The following DAPK3 variants were observed in gnomAD, a reference collection of about 807,000 sequenced individuals.
DAPK3 encodes death associated protein kinase 3.
A neutral mutation model predicts 30.6 loss-of-function variants in DAPK3; 24 were observed. That is an observed-to-expected ratio of 0.78 (90% confidence interval 0.57 to 1.10). The LOEUF is 1.10. Ranked by LOEUF, DAPK3 falls within the 50% of genes least tolerant of loss-of-function variation. The probability of loss-of-function intolerance (pLI) is 0.00; values close to 1 mark genes in which losing one functional copy is unlikely to be tolerated. For missense variants in DAPK3, 629 were observed against 657.3 expected, an observed-to-expected ratio of 0.96 and a Z score of 0.47; for synonymous variants, 341 against 284.0, an observed-to-expected ratio of 1.20 and a Z score of -2.02.
chr19:3,959,998 G>C, intron 8 of DAPK3, 61 bp downstream of exon 8: 4 of 938,650 alleles, frequency 4.3e-6, no homozygotes, highest in South Asian at 3.9e-5. Flanking sequence ...AAGGCCCCCC[G>C]GGACCCCAGC....
rs555447290 is a variant in DAPK3 at position 3,966,252 on chromosome 19, T to C, written c.63-1261A>G. 2.6e-5 allele frequency among the ~76,000 whole-genome samples: 4 copies of C among 152,302 alleles called. No homozygotes were observed. The East Asian group carries it at 5.8e-4, about 22-fold the overall frequency. On this transcript the variant is annotated intron_variant, in intron 2 of 8. Coordinates refer to ENST00000545797, the MANE Select transcript of DAPK3 (RefSeq NM_001348.3). ...CAGCTGCTGCTGGGTACCGGGTTCC[T>C]GCGTGCCTACCTCCCGGCTCCACGC... is the stretch of plus-strand genomic sequence containing the variant.
chr19:3,964,125 G>A (rs1226830256), intron 4 of DAPK3, 119 bp downstream of exon 4: 4 of 975,766 alleles, frequency 4.1e-6, no homozygotes, highest in Non-Finnish European at 6.2e-6. Context: ...GGGCCCAAGA[G>A]GGGTGGCTTC....
At chr19:3,966,835 G>C (rs2039581900) in intron 2 of DAPK3, among the ~76,000 whole-genome samples, 1 of 151,830 alleles carries the variant, frequency 6.6e-6, no homozygotes, top group Non-Finnish European at 1.5e-5. Flanking sequence ...CCCACCTCCA[G>C]ACAGCCCCCG....
chr19:3,963,855 C>G lies in DAPK3; in HGVS notation c.602+16G>C, dbSNP rs757538893. 1.3e-6 allele frequency: 2 copies of G among 1,548,806 alleles called. No homozygotes were observed. Among genetic ancestry groups the G allele is most frequent in the African/African-American group, 1.4e-5 (1 of 73,386 alleles). Reference sequence around the variant, plus strand: ...GGAATGCAGGGAGGCCCGGTGGGAGCAGGTGGTACACTCACCACATGTCCG... The same window carrying G: ...GGAATGCAGGGAGGCCCGGTGGGAGGAGGTGGTACACTCACCACATGTCCG... On this transcript the variant is annotated intron_variant, in intron 5 of 8. Coordinates refer to ENST00000545797, the MANE Select transcript of DAPK3 (RefSeq NM_001348.3).
intron 7 of DAPK3, 76 bp downstream of exon 7, chr19:3,960,933 G>A: frequency 6.6e-7 from 1 of 1,509,316 alleles, no homozygotes; most frequent in African/African-American, 1.4e-5. Flanking sequence ...TGGGAGGAGA[G>A]TCCTCTGGAG....
intron 6 of DAPK3, 33 bp downstream of exon 6, chr19:3,963,610 G>T: frequency 7.0e-7 from 1 of 1,420,902 alleles, no homozygotes; most frequent in Non-Finnish European, 9.5e-7. Context: ...CAGCTGTGTT[G>T]CACAGCCGAG....
intron 3 of DAPK3, 123 bp downstream of exon 3, chr19:3,964,508 A>G: frequency 1.1e-6 from 1 of 916,630 alleles, no homozygotes; most frequent in Non-Finnish European, 1.5e-6. Context: ...CGCTCCCCAA[A>G]CCTCACCCCC....
Position 3,963,632 on chromosome 19 carries a change from C to A in DAPK3, c.629+11G>T. ...GTTGCACAGCCGAGGGGGCCCCCGCCAGGTACTCACAGGATATAGGTGATG... is the reference window on the plus strand; with the variant it reads ...GTTGCACAGCCGAGGGGGCCCCCGCAAGGTACTCACAGGATATAGGTGATG... On this transcript the variant is annotated intron_variant, in intron 6 of 8. Coordinates refer to ENST00000545797, the MANE Select transcript of DAPK3 (RefSeq NM_001348.3). The A allele has an allele frequency of 6.6e-7, 1 of 1,515,952 alleles. No individual in the cohort carries two copies. 93.9% of individuals were successfully genotyped at this position (1,515,952 alleles called of 1,614,324 possible). A position where few individuals can be genotyped will look rare whatever the true frequency, so the allele number is the denominator to read the frequency against.
intron 4 of DAPK3, 142 bp downstream of exon 4, chr19:3,964,102 C>G: frequency 1.1e-6 from 1 of 871,756 alleles, no homozygotes; most frequent in Admixed American, 2.4e-5. Flanking sequence ...AGGCCCAGAC[C>G]TCCCGCAAAG....
In DAPK3 at chr19:3,966,245, G is replaced by A. The variant is rs569590877; in HGVS notation, c.63-1254C>T. Among the ~76,000 whole-genome samples, 9 of 152,286 alleles carry A rather than the reference G, an allele frequency of 5.9e-5. No individual in the cohort carries two copies. The South Asian group carries it at 1.2e-3, about 21-fold the overall frequency. On this transcript the variant is annotated intron_variant, in intron 2 of 8. Coordinates refer to ENST00000545797, the MANE Select transcript of DAPK3 (RefSeq NM_001348.3). ...AAGCAGACAGCTGCTGCTGGGTACC[G>A]GGTTCCTGCGTGCCTACCTCCCGGC...
intron 2 of DAPK3, among the ~76,000 whole-genome samples, chr19:3,967,572 T>A (rs2039591061): frequency 6.6e-6 from 1 of 152,120 alleles, no homozygotes; most frequent in African/African-American, 2.4e-5. Flanking sequence ...CTGGCCAACA[T>A]GGCAAAACCC....
intron 6 of DAPK3, 83 bp from the exon 7 acceptor site, chr19:3,961,244 G>C (rs905203388): frequency 1.6e-5 from 18 of 1,157,928 alleles, no homozygotes; most frequent in Admixed American, 1.9e-5. Flanking sequence ...ACGACAGGCG[G>C]AGCACAGAAG....
At position 3,959,189 on chromosome 19, in the gene DAPK3, T is replaced by C. The variant is rs1441964573; in HGVS notation, c.1277A>G (p.Gln426Arg). ...LENRYEALAK[Q>R]VASEMRFVQD... Reference sequence around the variant, plus strand: ...CACGAAGCGCATCTCGGAGGCTACTTGCTTGGCCAGCGCCTCGTAGCGGTT... The same window carrying C: ...CACGAAGCGCATCTCGGAGGCTACTCGCTTGGCCAGCGCCTCGTAGCGGTT... The change falls in exon 9 of 9, where the codon CAA (glutamine) becomes CGA (arginine). Residue 426 changes from glutamine to arginine, a missense_variant. By Grantham distance (43) the Gln-to-Arg change is conservative. Transcript: ENST00000545797. 1 of 1,599,322 alleles carries C rather than the reference T, an allele frequency of 6.3e-7. No individual in the cohort carries two copies. Among genetic ancestry groups the C allele is most frequent in the Admixed American group, 1.7e-5 (1 of 59,408 alleles).
chr19:3,961,354 C>G lies in DAPK3; in HGVS notation c.630-193G>C, dbSNP rs565106219. The G allele has an allele frequency of 1.1e-5, 8 of 726,642 alleles. No homozygotes were observed. In the Admixed American group the frequency reaches 1.4e-4, roughly 13 times the overall value. The allele number at this position is 726,642 out of a possible 1,614,324, so 45.0% of individuals were successfully genotyped here. A position where few individuals can be genotyped will look rare whatever the true frequency, so the allele number is the denominator to read the frequency against. On this transcript the variant is annotated intron_variant, in intron 6 of 8. Coordinates refer to ENST00000545797, the MANE Select transcript of DAPK3 (RefSeq NM_001348.3). ...CACCCAAGAGGCATTCAAAATCCAC[C>G]CCCCCACCCCGCCACTGACAGCAGC...
chr19:3,968,105 G>A (rs2039596662), intron 2 of DAPK3, among the ~76,000 whole-genome samples: 1 of 152,174 alleles, frequency 6.6e-6, no homozygotes, highest in African/African-American at 2.4e-5. Flanking sequence ...TAGAATTACA[G>A]GCGGAAGCCG....
intron 7 of DAPK3, 82 bp from the exon 8 acceptor site, chr19:3,960,186 A>C: frequency 1.3e-6 from 1 of 766,868 alleles, no homozygotes; most frequent in Non-Finnish European, 2.3e-6. Context: ...GGGACCCCCA[A>C]AAGCCCTAAA....
At chr19:3,960,988 C>T (rs540645570) in intron 7 of DAPK3, 21 bp downstream of exon 7, 3 of 1,611,234 alleles carry the variant, frequency 1.9e-6, no homozygotes, top group Middle Eastern at 1.7e-4. Context: ...CCACCCCGTG[C>T]CCCCTGCCGG....
intron 6 of DAPK3, 159 bp from the exon 7 acceptor site, chr19:3,961,320 C>G: frequency 2.7e-6 from 2 of 737,752 alleles, no homozygotes; most frequent in Non-Finnish European, 5.0e-6. Context: ...CTGCAACGAT[C>G]CCAGACACCA....
In DAPK3 at chr19:3,959,427, G is replaced by T. The variant is rs780562643; in HGVS notation, c.1039C>A (p.Arg347=). ...GCCTCCACGTCCTCGTGGCAGAGCC[G>T]CCGGCTGCGCTGCAGCTCGCGCAGG... The part of the protein sequence containing the change: ...EGLRELQRSR[R]LCHEDVEALA... The change falls in exon 9 of 9, where the codon CGG becomes AGG. Residue 347 remains arginine, a synonymous_variant. Coordinates refer to ENST00000545797, the MANE Select transcript of DAPK3 (RefSeq NM_001348.3). 69 of 1,552,010 alleles carry T rather than the reference G, an allele frequency of 4.4e-5. No homozygotes were observed. Among genetic ancestry groups the T allele is most frequent in the Admixed American group, 3.8e-5 (2 of 52,862 alleles).
Sources: gnomAD v4.1 joint callset for allele counts (sites outside exome capture counted in the v4.1 genomes callset) on GRCh38, gnomAD v4.1.1 for gene constraint, MANE v1.5 for transcripts, NCBI Gene and HGNC (gene_info 2026-07-23, HGNC 2026-07-21) for gene names.